The following SVEP1 variants were observed in gnomAD, a reference collection of about 807,000 sequenced individuals.
SVEP1 encodes sushi, von Willebrand factor type A, EGF and pentraxin domain-containing protein 1.
A neutral mutation model predicts 367.3 loss-of-function variants in SVEP1; 164 were observed. The ratio of observed to expected loss-of-function variants is 0.45; its 90% CI spans 0.39 to 0.51. SVEP1 has a LOEUF of 0.51. SVEP1 is among the 20% of genes least tolerant of loss of function. The pLI is 0.00. For synonymous variants in SVEP1, 1,666 were observed against 1,611.6 expected, an observed-to-expected ratio of 1.03 and a Z score of -0.81; for missense variants, 4,117 against 4,425.3, an observed-to-expected ratio of 0.93 and a Z score of 1.98.
chr9:110,472,236 C>T lies in SVEP1; in HGVS notation c.2687G>A (p.Gly896Asp). ...TTTAATCCGTGAGGACTTGGCATTGCCGATGCTTGTGGCTGTTTCTTGCAC... is the reference window on the plus strand; with the variant it reads ...TTTAATCCGTGAGGACTTGGCATTGTCGATGCTTGTGGCTGTTTCTTGCAC... ...DTVQETATSI[G>D]NAKSSRIKRS... Residue 896 changes from glycine to aspartate, a missense_variant, in exon 15 of 48, where the codon GGC (glycine) becomes GAC (aspartate). Physicochemically the swap from Gly to Asp is moderately conservative, Grantham distance 94. Around this residue, in one of 4 missense-constraint regions of SVEP1, gnomAD observed 2,174 missense variants for 2,494.3 expected, o/e 0.87. Coordinates refer to ENST00000374469, the MANE Select transcript of SVEP1 (RefSeq NM_153366.4). 6.2e-7 allele frequency: 1 copy of T among 1,613,528 alleles called. No homozygotes were observed. The highest frequency in any genetic ancestry group is 8.5e-7 in the Non-Finnish European group (1 of 1,179,788).
intron 36 of SVEP1, among the ~76,000 whole-genome samples, chr9:110,415,496 G>A (rs2118518529): frequency 6.6e-6 from 1 of 152,014 alleles, no homozygotes; most frequent in East Asian, 1.9e-4. Context: ...AATAAGGCCA[G>A]CAGCATCTTG....
intron 47 of SVEP1, 44 bp downstream of exon 47, chr9:110,369,879 G>C: frequency 6.6e-7 from 1 of 1,516,674 alleles, no homozygotes; most frequent in Non-Finnish European, 9.0e-7. Flanking sequence ...TTGAATTTTA[G>C]AGTCTTCATG....
In SVEP1 at chr9:110,507,610, G is replaced by A. The variant is rs569422510; in HGVS notation, c.1304-4393C>T. Among the ~76,000 whole-genome samples, 373 of 152,250 alleles carry A rather than the reference G, an allele frequency of 2.4e-3. 1 individual carries two copies. Among genetic ancestry groups the A allele is most frequent in the African/African-American group, 8.7e-3 (362 of 41,544 alleles). On this transcript the variant is annotated intron_variant, in intron 5 of 47. Coordinates refer to ENST00000374469, the MANE Select transcript of SVEP1 (RefSeq NM_153366.4). The stretch of plus-strand genomic sequence containing the variant: ...GTCAAGTATTAATAAAAAATGATCC[G>A]AAACATTTTGCCTTCCGTGTTTTAA...
intron 1 of SVEP1, among the ~76,000 whole-genome samples, chr9:110,559,980 T>C (rs1457960999): frequency 6.6e-6 from 1 of 152,144 alleles, no homozygotes; most frequent in East Asian, 1.9e-4. Flanking sequence ...AAATGTACTG[T>C]ATGTCTGTTT....
intron 31 of SVEP1, 146 bp downstream of exon 31, chr9:110,432,316 C>A: frequency 9.4e-7 from 1 of 1,067,684 alleles, no homozygotes; most frequent in Non-Finnish European, 1.3e-6. Context: ...CTACATACAG[C>A]TGCTTTGTCA....
At chr9:110,367,176 T>A (rs1264424557) in intron 47 of SVEP1, among the ~76,000 whole-genome samples, 6 of 152,210 alleles carry the variant, frequency 3.9e-5, no homozygotes, top group African/African-American at 1.4e-4. Context: ...TATATATATT[T>A]TAAAACAAGA....
intron 43 of SVEP1, among the ~76,000 whole-genome samples, chr9:110,383,480 G>C (rs1171670237): frequency 6.6e-6 from 1 of 151,544 alleles, no homozygotes; most frequent in Non-Finnish European, 1.5e-5. Context: ...GCACTGACCT[G>C]ATGCTAGCAG....
chr9:110,400,257 G>A (rs1046244890), intron 40 of SVEP1, among the ~76,000 whole-genome samples: 2 of 152,184 alleles, frequency 1.3e-5, no homozygotes, highest in African/African-American at 4.8e-5. Context: ...CCAGCAAGCC[G>A]AAACACAGTT....
intron 3 of SVEP1, among the ~76,000 whole-genome samples, chr9:110,517,831 A>G (rs1444535684): frequency 6.6e-6 from 1 of 151,726 alleles, no homozygotes; most frequent in Non-Finnish European, 1.5e-5. Context: ...GAACGAGAAA[A>G]AAAGGTACTT....
intron 37 of SVEP1, among the ~76,000 whole-genome samples, chr9:110,409,547 C>A (rs1161849712): frequency 1.3e-5 from 2 of 152,142 alleles, no homozygotes; most frequent in Non-Finnish European, 2.9e-5. Flanking sequence ...GATTGGTGAA[C>A]TGATGAGGCA....
At chr9:110,516,808 A>G (rs761316604) in intron 3 of SVEP1, among the ~76,000 whole-genome samples, 6 of 152,232 alleles carry the variant, frequency 3.9e-5, no homozygotes, top group Non-Finnish European at 7.3e-5. Flanking sequence ...AGATACATTA[A>G]TGCAAAGATA....
intron 1 of SVEP1, among the ~76,000 whole-genome samples, chr9:110,557,918 T>C (rs888804111): frequency 7.2e-5 from 11 of 152,330 alleles, no homozygotes; most frequent in Middle Eastern, 3.4e-3. Context: ...TTATCATTTG[T>C]TCTGTTACAT....
intron 7 of SVEP1, among the ~76,000 whole-genome samples, 186 bp downstream of exon 7, chr9:110,498,855 T>C (rs1425193123): frequency 6.6e-6 from 1 of 152,230 alleles, no homozygotes; most frequent in Non-Finnish European, 1.5e-5. Flanking sequence ...TTGTCTGGCA[T>C]TTTGTAATCA....
intron 43 of SVEP1, among the ~76,000 whole-genome samples, chr9:110,384,652 G>A (rs1233761124): frequency 6.6e-6 from 1 of 151,134 alleles, no homozygotes; most frequent in Non-Finnish European, 1.5e-5. Context: ...ATATAATTGA[G>A]ACTCTTAACA....
At chr9:110,487,768 A>C (rs4419883) in intron 9 of SVEP1, among the ~76,000 whole-genome samples, 2 of 151,918 alleles carry the variant, frequency 1.3e-5, no homozygotes, top group African/African-American at 4.8e-5. Flanking sequence ...ATATATTATC[A>C]CAAATTAAAA....
chr9:110,434,722 T>A (rs1828407834), intron 29 of SVEP1, among the ~76,000 whole-genome samples: 1 of 136,142 alleles, frequency 7.3e-6, no homozygotes, highest in Non-Finnish European at 1.6e-5. Flanking sequence ...TTTCAAAATA[T>A]TTTAGGAATG....
chr9:110,507,020 A>C (rs1042568593), intron 5 of SVEP1, among the ~76,000 whole-genome samples: 1 of 152,220 alleles, frequency 6.6e-6, no homozygotes, highest in East Asian at 1.9e-4. Context: ...CATTCCATTC[A>C]CGAACAGAGA....
intron 1 of SVEP1, among the ~76,000 whole-genome samples, chr9:110,565,070 G>A (rs1755412632): frequency 6.6e-6 from 1 of 152,112 alleles, no homozygotes; most frequent in Non-Finnish European, 1.5e-5. Context: ...AACTGCTATA[G>A]CAAGGTTTTG....
intron 1 of SVEP1, among the ~76,000 whole-genome samples, chr9:110,573,662 G>A (rs1356203947): frequency 2.6e-5 from 4 of 152,026 alleles, no homozygotes; most frequent in Non-Finnish European, 4.4e-5. Context: ...TTATTTTGAT[G>A]TGAAATACGT....
Sources: gnomAD v4.1 joint callset for allele counts (sites outside exome capture counted in the v4.1 genomes callset) on GRCh38, gnomAD v4.1.1 for gene constraint, gnomAD v4.1.1 regional missense constraint, MANE v1.5 for transcripts, NCBI Gene and HGNC (gene_info 2026-07-23, HGNC 2026-07-21) for gene names.